Variants in RAB4A observed in about 807,000 individuals in gnomAD.
The protein encoded by RAB4A is ras-related protein Rab-4A.
Under a neutral mutation model 34.5 loss-of-function variants are expected in RAB4A, and 20 were observed. That is an observed-to-expected ratio of 0.58 (90% CI 0.41 to 0.84). The LOEUF (loss-of-function observed/expected upper bound fraction) is 0.84, where lower values mean the gene tolerates loss of function less well. Ranked by LOEUF, RAB4A falls within the 40% of genes least tolerant of loss-of-function variation. The pLI, the probability that RAB4A is intolerant of heterozygous loss-of-function variation, is 0.00. For synonymous variants in RAB4A, 102 were observed against 100.0 expected (o/e 1.02, Z -0.12); for missense variants, 228 against 274.5 (o/e 0.83, Z 1.20).
intron 1 of RAB4A, among the ~76,000 whole-genome samples, chr1:229,278,091 C>T (rs1053837688): frequency 7.2e-5 from 11 of 152,228 alleles, no homozygotes; most frequent in Admixed American, 1.3e-4. Flanking sequence ...TCTCGATCTC[C>T]TAACCTCAAG....
At chr1:229,290,623 C>G (rs1657041474) in intron 3 of RAB4A, among the ~76,000 whole-genome samples, 1 of 152,020 alleles carries the variant, frequency 6.6e-6, no homozygotes, top group Non-Finnish European at 1.5e-5. Flanking sequence ...GTTTCTATAG[C>G]AAAAGAGAGA....
rs1314499748 is a variant in RAB4A, at chr1:229,288,783, A to C, written c.167A>C (p.Asn56Thr). The C allele has an allele frequency of 6.3e-7, 1 of 1,599,544 alleles. No individual in the cohort carries two copies. The highest frequency in any genetic ancestry group is 8.6e-7 in the Non-Finnish European group (1 of 1,167,646). Residue 56 changes from asparagine to threonine, a missense_variant, in exon 3 of 8, where the codon AAT becomes ACT. Physicochemically the swap from Asn to Thr is moderately conservative, Grantham distance 65. Transcript: ENST00000366690. ...GTGGAATTTGGTTCAAAGATAATAA[A>C]TGTTGGTGGTAAATATGTAAAGTTA... ...IGVEFGSKII[N>T]VGGKYVKLQI...
intron 1 of RAB4A, among the ~76,000 whole-genome samples, chr1:229,278,237 T>G (rs902523319): frequency 2.0e-5 from 3 of 152,184 alleles, no homozygotes; most frequent in African/African-American, 7.2e-5. Flanking sequence ...CACCTCGTCC[T>G]TCTTTTTCTT....
In RAB4A at chr1:229,305,328, C is replaced by T; in HGVS notation, c.*1535C>T. On this transcript the variant is annotated 3_prime_UTR_variant, in exon 8 of 8. Coordinates refer to ENST00000366690, the MANE Select transcript of RAB4A (RefSeq NM_004578.4). Reference sequence around the variant, plus strand: ...GATTTGCAAGCTGCTCATTTTTGAACAGCTTTTTGCATGGGATAGGAGCAT... The same window carrying T: ...GATTTGCAAGCTGCTCATTTTTGAATAGCTTTTTGCATGGGATAGGAGCAT... 2 of 1,566,942 alleles carry T rather than the reference C, an allele frequency of 1.3e-6. No homozygotes were observed. The highest frequency in any genetic ancestry group is 1.7e-6 in the Non-Finnish European group (2 of 1,158,406).
At chr1:229,290,374 GC>G (rs1657036857) in intron 3 of RAB4A, among the ~76,000 whole-genome samples, 1 of 152,166 alleles carries the variant, frequency 6.6e-6, no homozygotes, top group Non-Finnish European at 1.5e-5. Flanking sequence ...CTGGTCGCTG[GC>G]AGCCAGGTGT....
chr1:229,305,210 T>A lies in RAB4A; in HGVS notation c.*1417T>A. The stretch of plus-strand genomic sequence containing the variant: ...TTGCTTTTTTTATGCCTTGAATATT[T>A]TATTTCAAAAAGTATCTGAAGCAAA... On this transcript the variant is annotated 3_prime_UTR_variant, in exon 8 of 8. Coordinates refer to ENST00000366690, the MANE Select transcript of RAB4A (RefSeq NM_004578.4). 1 of 1,609,806 alleles carries A rather than the reference T, an allele frequency of 6.2e-7. No homozygotes were observed. Among genetic ancestry groups the A allele is most frequent in the Non-Finnish European group, 8.5e-7 (1 of 1,178,156 alleles).
rs1300585615 is a variant in RAB4A, at chr1:229,271,167, G to A, written c.-173G>A. 1.9e-6 allele frequency: 1 copy of A among 520,036 alleles called. No individual in the cohort carries two copies. The highest frequency in any genetic ancestry group is 2.9e-6 in the Non-Finnish European group (1 of 345,172). The allele number at this position is 520,036 out of a possible 1,614,324, so 32.2% of individuals were successfully genotyped here. ...GGGTGGAGGGCCCTGCGCCTGCGCG[G>A]AGCTGGAGTCCGGCTGGGCCGCAGC... On this transcript the variant is annotated 5_prime_UTR_variant, in exon 1 of 8. Coordinates refer to ENST00000366690, the MANE Select transcript of RAB4A (RefSeq NM_004578.4).
chr1:229,293,285 C>T (rs1657142018), intron 3 of RAB4A, among the ~76,000 whole-genome samples: 2 of 152,104 alleles, frequency 1.3e-5, no homozygotes, highest in Non-Finnish European at 2.9e-5. Context: ...TTGATTAAAA[C>T]ATTATCCATT....
chr1:229,291,577 A>T (rs1268718628), intron 3 of RAB4A, among the ~76,000 whole-genome samples: 2 of 152,204 alleles, frequency 1.3e-5, no homozygotes, highest in Non-Finnish European at 2.9e-5. Flanking sequence ...AAACTGTAAG[A>T]TCCATGAGTG....
rs1657406448 is a variant in RAB4A, at chr1:229,302,274, TATATATATATATATATA to T, written c.542-587_542-571del. Among the ~76,000 whole-genome samples the T allele has an allele frequency of 3.4e-4, 5 of 14,712 alleles. 1 individual carries two copies. Among genetic ancestry groups the T allele is most frequent in the African/African-American group, 1.1e-3 (4 of 3,528 alleles). The allele number at this position is 14,712 out of a possible 152,430, so 9.7% of individuals were successfully genotyped here. A position where few individuals can be genotyped will look rare whatever the true frequency, so the allele number is the denominator to read the frequency against. On this transcript the variant is annotated intron_variant, in intron 6 of 7. Transcript: ENST00000366690. ...GTAAATAATTATATATATATATATA[TATATATATATATATATA>T]TATATATATATATATATATTTTTTT...
At chr1:229,279,657 T>G (rs1484290818) in intron 1 of RAB4A, among the ~76,000 whole-genome samples, 1 of 152,232 alleles carries the variant, frequency 6.6e-6, no homozygotes, top group African/African-American at 2.4e-5. Flanking sequence ...ATGGCTGACA[T>G]TTGCTCAAGA....
rs528403968 is a variant in RAB4A at position 229,303,973 on chromosome 1, G to A, written c.*180G>A. ...AGTGGCACAGCAAATCATATAAATC[G>A]AATTAAATGGACAACACCGTTAGAT... On this transcript the variant is annotated 3_prime_UTR_variant, in exon 8 of 8. Transcript: ENST00000366690. 10 of 152,162 alleles carry A rather than the reference G, an allele frequency of 6.6e-5. No individual in the cohort carries two copies. Among genetic ancestry groups the A allele is most frequent in the African/African-American group, 1.4e-4 (6 of 41,484 alleles). 9.4% of individuals were successfully genotyped at this position (152,162 alleles called of 1,614,324 possible).
At chr1:229,272,792 G>T (rs1656529350) in intron 1 of RAB4A, among the ~76,000 whole-genome samples, 1 of 152,214 alleles carries the variant, frequency 6.6e-6, no homozygotes, top group South Asian at 2.1e-4. Context: ...TGGGGTCACA[G>T]TGCATTTGGT....
intron 1 of RAB4A, among the ~76,000 whole-genome samples, chr1:229,283,898 T>TTA (rs1553300837): frequency 1.3e-5 from 2 of 149,112 alleles, no homozygotes; most frequent in African/African-American, 5.0e-5. Flanking sequence ...GGCTAATTTT[T>TTA]TTATTATTAT....
chr1:229,279,902 A>G (rs1656740610), intron 1 of RAB4A, among the ~76,000 whole-genome samples: 1 of 152,242 alleles, frequency 6.6e-6, no homozygotes, highest in African/African-American at 2.4e-5. Context: ...TCACTATAAT[A>G]AACACCGAAT....
At chr1:229,292,503 C>T (rs1412481445) in intron 3 of RAB4A, among the ~76,000 whole-genome samples, 1 of 152,132 alleles carries the variant, frequency 6.6e-6, no homozygotes, top group Non-Finnish European at 1.5e-5. Flanking sequence ...TTCCCCCTGC[C>T]TTAGGAGGCT....
At chr1:229,278,541 C>T in intron 1 of RAB4A, among the ~76,000 whole-genome samples, 1 of 152,210 alleles carries the variant, frequency 6.6e-6, no homozygotes, top group Non-Finnish European at 1.5e-5. Flanking sequence ...CTTACCTCAT[C>T]CTTAACCCTT....
intron 6 of RAB4A, among the ~76,000 whole-genome samples, chr1:229,301,943 A>C (rs1342022261): frequency 6.6e-6 from 1 of 151,976 alleles, no homozygotes; most frequent in African/African-American, 2.4e-5. Context: ...GAGTATCCCT[A>C]ATCCAAAATG....
At chr1:229,298,056 A>C (rs1657292060) in intron 5 of RAB4A, among the ~76,000 whole-genome samples, 1 of 152,220 alleles carries the variant, frequency 6.6e-6, no homozygotes, top group South Asian at 2.1e-4. Flanking sequence ...GCTTCATTTT[A>C]AGTCATTTGG....
Sources: allele counts gnomAD v4.1 joint callset (sites outside exome capture counted in the v4.1 genomes callset), GRCh38; gene constraint gnomAD v4.1.1; transcripts MANE v1.5; gene names NCBI Gene and HGNC (gene_info 2026-07-23, HGNC 2026-07-21).